The following JCHAIN variants were observed in gnomAD, a reference collection of about 807,000 sequenced individuals.
JCHAIN encodes immunoglobulin J chain.
Under a neutral mutation model 11.1 loss-of-function variants are expected in JCHAIN, and 5 were observed. The ratio of observed to expected loss-of-function variants is 0.45; its 90% CI spans 0.24 to 0.95. The LOEUF (loss-of-function observed/expected upper bound fraction) is 0.95. JCHAIN is among the 40% of genes least tolerant of loss of function. The pLI, the probability that JCHAIN is intolerant of heterozygous loss-of-function variation, is 0.21. For missense variants in JCHAIN, 165 were observed against 192.7 expected (o/e 0.86, Z 0.85); for synonymous variants, 51 against 67.8 (o/e 0.75, Z 1.22).
chr4:70,659,758 C>T (rs926546132), intron 2 of JCHAIN, among the ~76,000 whole-genome samples: 4 of 148,926 alleles, frequency 2.7e-5, no homozygotes, highest in African/African-American at 9.9e-5. Context: ...CCCAGCTACT[C>T]GGGGAGGCTG....
chr4:70,657,215 C>T lies in JCHAIN; in HGVS notation c.265G>A (p.Asp89Asn). Residue 89 changes from aspartate (D) to asparagine (N), a missense_variant, in exon 3 of 4, where the codon GAC becomes AAC. Physicochemically the swap from Asp to Asn is conservative, Grantham distance 23 (BLOSUM62 1). Coordinates refer to ENST00000254801, the MANE Select transcript of JCHAIN (RefSeq NM_144646.4). ...LRTRFVYHLS[D>N]LCKKCDPTEV... ...ATGGAAAAAAATATATCTTACAGGT[C>T]AGACAAATGGTACACAAATCTGGTT... 1 of 1,573,346 alleles carries T rather than the reference C, an allele frequency of 6.4e-7. No individual in the cohort carries two copies. The highest frequency in any genetic ancestry group is 8.7e-7 in the Non-Finnish European group (1 of 1,144,268).
At chr4:70,663,088 A>C (rs529549791) in intron 1 of JCHAIN, among the ~76,000 whole-genome samples, 175 of 147,792 alleles carry the variant, frequency 1.2e-3, no homozygotes, top group African/African-American at 4.4e-3. Context: ...TGTATACAGA[A>C]AAAAAAATGA....
At chr4:70,665,927 T>C in intron 1 of JCHAIN, 1 of 314,824 alleles carries the variant, frequency 3.2e-6, no homozygotes, top group Non-Finnish European at 6.4e-6. Flanking sequence ...ATAACAAAAG[T>C]TCAGTCATCA....
chr4:70,659,532 AGAGT>A (rs1396544077), intron 2 of JCHAIN, among the ~76,000 whole-genome samples: 1 of 120,834 alleles, frequency 8.3e-6, no homozygotes, highest in Non-Finnish European at 1.6e-5. Flanking sequence ...CCTGGGCAAC[AGAGT>A]GAGACTCTGT....
At chr4:70,660,709 G>A (rs80170788) in intron 2 of JCHAIN, among the ~76,000 whole-genome samples, 3,437 of 152,136 alleles carry the variant, frequency 0.023, 114 homozygotes, top group African/African-American at 0.073. Context: ...TTTTAAACAT[G>A]AAGTAAAAGA....
intron 2 of JCHAIN, among the ~76,000 whole-genome samples, chr4:70,660,649 G>A (rs1739036809): frequency 6.6e-6 from 1 of 152,118 alleles, no homozygotes; most frequent in Non-Finnish European, 1.5e-5. Flanking sequence ...CTCCCAAAGT[G>A]CTGGCATTAC....
At chr4:70,662,264 T>C in intron 1 of JCHAIN, 49 bp from the exon 2 acceptor site, 2 of 1,515,576 alleles carry the variant, frequency 1.3e-6, no homozygotes, top group Admixed American at 1.8e-5. Context: ...GGTCAATTTA[T>C]ATATTTTGTA....
intron 2 of JCHAIN, among the ~76,000 whole-genome samples, chr4:70,658,812 C>T (rs1212193004): frequency 6.6e-6 from 1 of 152,232 alleles, no homozygotes; most frequent in Non-Finnish European, 1.5e-5. Flanking sequence ...TGCCCCTCCT[C>T]AGTACTCCTA....
chr4:70,655,775 T>G lies in JCHAIN; in HGVS notation c.*554A>C, dbSNP rs533438790. 3.3e-5 allele frequency: 5 copies of G among 152,174 alleles called. No individual in the cohort carries two copies. The highest frequency in any genetic ancestry group is 4.8e-5 in the African/African-American group (2 of 41,462). 9.4% of individuals were successfully genotyped at this position (152,174 alleles called of 1,614,324 possible). A position where few individuals can be genotyped will look rare whatever the true frequency, so the allele number is the denominator to read the frequency against. Reference sequence around the variant, plus strand: ...TTTATAAATATTAGAGATTTCACCTTAAATTATTTTTGTAACTAGTTCTAG... The same window carrying G: ...TTTATAAATATTAGAGATTTCACCTGAAATTATTTTTGTAACTAGTTCTAG... On this transcript the variant is annotated 3_prime_UTR_variant, in exon 4 of 4. Transcript: ENST00000254801.
intron 1 of JCHAIN, among the ~76,000 whole-genome samples, chr4:70,666,061 T>C (rs116210433): frequency 7.4e-4 from 112 of 152,308 alleles, no homozygotes; most frequent in African/African-American, 2.6e-3. Context: ...TCCCAATGCA[T>C]TCCATGTTGT....
At position 70,659,386 on chromosome 4, in the gene JCHAIN, C is replaced by G. The variant is rs536885833; in HGVS notation, c.189-2095G>C. 4.6e-5 allele frequency among the ~76,000 whole-genome samples: 7 copies of G among 151,334 alleles called. 1 individual carries two copies. The highest frequency in any genetic ancestry group is 3.9e-4 in the Admixed American group (6 of 15,190). On this transcript the variant is annotated intron_variant, in intron 2 of 3. Transcript: ENST00000254801. ...CCAACATGATGAAACCTTGTCTCTA[C>G]TAAAAATACAAAAATTAGCCAGGCG...
chr4:70,657,927 G>A (rs79620132), intron 2 of JCHAIN, among the ~76,000 whole-genome samples: 1,902 of 152,188 alleles, frequency 0.012, 46 homozygotes, highest in African/African-American at 0.045. Context: ...GATGTCCCAT[G>A]AAAAATTAGA....
rs1372728988 is a variant in JCHAIN, at chr4:70,657,270, C to T, written c.210G>A (p.Glu70=). 2 of 1,599,998 alleles carry T rather than the reference C, an allele frequency of 1.3e-6. No individual in the cohort carries two copies. Among genetic ancestry groups the T allele is most frequent in the East Asian group, 2.2e-5 (1 of 44,682 alleles). ...IRIIVPLNNR[E]NISDPTSPLR... is the part of the protein sequence containing the mutation. The stretch of plus-strand genomic sequence containing the variant: ...ATGGTGAGGTGGGATCAGAGATATT[C>T]TCCCTGTTGTTCAGAGGAACACTAA... The change falls in exon 3 of 4, where the codon GAG becomes GAA. Residue 70 remains glutamate, a synonymous_variant. Transcript: ENST00000254801.
chr4:70,666,374 A>T, intron 1 of JCHAIN, 53 bp downstream of exon 1: 2 of 1,286,898 alleles, frequency 1.6e-6, no homozygotes, highest in Non-Finnish European at 2.3e-6. Flanking sequence ...TGAAAAACAG[A>T]TCTGTCCTAT....
chr4:70,662,212 T>C lies in JCHAIN; in HGVS notation c.68A>G (p.Gln23Arg), dbSNP rs1334029229. Reference sequence around the variant, plus strand: ...AACAAGAACAATCCTTTCATCTTCTTGGGCTTGAAAGGTAAACGTATTAAA... The same window carrying C: ...AACAAGAACAATCCTTTCATCTTCTCGGGCTTGAAAGGTAAACGTATTAAA... ...VFIKAVHVKA[Q>R]EDERIVLVDN... The change falls in exon 2 of 4, where the codon CAA becomes CGA. Residue 23 changes from glutamine to arginine, a missense_variant. Coordinates refer to ENST00000254801, the MANE Select transcript of JCHAIN (RefSeq NM_144646.4). 6.2e-7 allele frequency: 1 copy of C among 1,612,802 alleles called. No homozygotes were observed. The highest frequency in any genetic ancestry group is 8.5e-7 in the Non-Finnish European group (1 of 1,179,096).
chr4:70,660,346 G>T (rs1739030370), intron 2 of JCHAIN, among the ~76,000 whole-genome samples: 1 of 151,294 alleles, frequency 6.6e-6, no homozygotes. Flanking sequence ...CACTGTGAAT[G>T]TGGGGAAATA....
chr4:70,658,195 CTT>C (rs1319586971), intron 2 of JCHAIN, among the ~76,000 whole-genome samples: 1 of 152,178 alleles, frequency 6.6e-6, no homozygotes, highest in African/African-American at 2.4e-5. Context: ...ACTTGCCTCT[CTT>C]CTCATTATTA....
intron 2 of JCHAIN, among the ~76,000 whole-genome samples, chr4:70,659,783 T>C (rs6818061): frequency 0.023 from 3,394 of 149,290 alleles, 115 homozygotes; most frequent in African/African-American, 0.073. Flanking sequence ...AGGAGAATTG[T>C]TTGAACCCAG....
At chr4:70,662,549 A>T (rs1404100463) in intron 1 of JCHAIN, among the ~76,000 whole-genome samples, 1 of 152,202 alleles carries the variant, frequency 6.6e-6, no homozygotes, top group African/African-American at 2.4e-5. Flanking sequence ...TTCATCCAAG[A>T]TAACCTTATT....
Sources: gnomAD v4.1 joint callset for allele counts (sites outside exome capture counted in the v4.1 genomes callset) on GRCh38, gnomAD v4.1.1 for gene constraint, MANE v1.5 for transcripts, NCBI Gene and HGNC (gene_info 2026-07-23, HGNC 2026-07-21) for gene names.